Variants in CLEC9A observed in about 807,000 individuals in gnomAD.
CLEC9A encodes the protein C-type lectin domain family 9 member A.
In CLEC9A, 24 loss-of-function variants were observed where a neutral mutation model predicts 30.0. The ratio of observed to expected loss-of-function variants is 0.80; its 90% CI spans 0.58 to 1.13. The LOEUF (loss-of-function observed/expected upper bound fraction) is 1.13. Among genes scored for constraint, CLEC9A ranks in the 50% most tolerant of loss-of-function variants. The pLI is 0.00. For synonymous variants in CLEC9A, 111 were observed against 96.8 expected (o/e 1.15, Z -0.86); for missense variants, 251 against 280.9 (o/e 0.89, Z 0.76).
chr12:10,065,602 T>C lies in CLEC9A; in HGVS notation c.696T>C (p.Cys232=). The C allele has an allele frequency of 6.2e-7, 1 of 1,613,870 alleles. No individual in the cohort carries two copies. Among genetic ancestry groups the C allele is most frequent in the Non-Finnish European group, 8.5e-7 (1 of 1,179,820 alleles). The stretch of plus-strand genomic sequence containing the variant: ...GCAGCACGTGGAAGTATTTTATCTG[T>C]GAGAAGTATGCGTTGAGATCCTCTG... ...SNCSTWKYFI[C]EKYALRSSV is the part of the protein sequence containing the mutation. The change falls in exon 9 of 9, where the codon TGT becomes TGC. Residue 232 remains cysteine (C), a synonymous_variant. Transcript: ENST00000355819.
At chr12:10,056,698 T>C (rs1865946933) in intron 5 of CLEC9A, among the ~76,000 whole-genome samples, 1 of 152,152 alleles carries the variant, frequency 6.6e-6, no homozygotes, top group Admixed American at 6.5e-5. Context: ...TTTCAATGTT[T>C]ACTTTTCGGA....
chr12:10,052,803 T>G (rs756739810), intron 4 of CLEC9A, 25 bp downstream of exon 4: 1 of 1,608,442 alleles, frequency 6.2e-7, no homozygotes, highest in Non-Finnish European at 8.5e-7. Flanking sequence ...CTATTTTGTG[T>G]GAGACTTTAG....
At chr12:10,064,223 T>C (rs1297987146) in intron 7 of CLEC9A, among the ~76,000 whole-genome samples, 2 of 152,118 alleles carry the variant, frequency 1.3e-5, no homozygotes, top group Non-Finnish European at 2.9e-5. Context: ...CCAAGAACAT[T>C]TGAAGTAAAT....
chr12:10,064,267 G>T (rs945687122), intron 7 of CLEC9A, among the ~76,000 whole-genome samples: 2 of 152,126 alleles, frequency 1.3e-5, no homozygotes, highest in Admixed American at 1.3e-4. Context: ...GTTATTTTAC[G>T]TGCAAATTTG....
chr12:10,049,746 T>C (rs1345350231), intron 2 of CLEC9A, among the ~76,000 whole-genome samples: 8 of 152,348 alleles, frequency 5.3e-5, no homozygotes, highest in Non-Finnish European at 1.2e-4. Context: ...TGTAATTGGC[T>C]TGATCTTCTA....
At chr12:10,038,050 G>A (rs1425677971) in intron 1 of CLEC9A, among the ~76,000 whole-genome samples, 1 of 152,160 alleles carries the variant, frequency 6.6e-6, no homozygotes, top group East Asian at 1.9e-4. Flanking sequence ...GTAGGTGAAT[G>A]GTAAGTGACT....
intron 1 of CLEC9A, among the ~76,000 whole-genome samples, chr12:10,037,456 G>C (rs1865753078): frequency 6.6e-6 from 1 of 152,090 alleles, no homozygotes; most frequent in African/African-American, 2.4e-5. Flanking sequence ...GCAGCTCAGG[G>C]CCAAGGAGGG....
At position 10,065,393 on chromosome 12, in the gene CLEC9A, G is replaced by A; in HGVS notation, c.594-107G>A. 27 of 1,287,416 alleles carry A rather than the reference G, an allele frequency of 2.1e-5. 1 individual carries two copies. The South Asian group carries it at 4.0e-4, about 19-fold the overall frequency. The allele number at this position is 1,287,416 out of a possible 1,614,324, so 79.7% of individuals were successfully genotyped here. On this transcript the variant is annotated intron_variant, in intron 8 of 8. Coordinates refer to ENST00000355819, the MANE Select transcript of CLEC9A (RefSeq NM_207345.4). ...TGAAACCACCACAGGAAGTTGCTGTGTCAACACAAAACAAAACAAGCAGCT... is the reference window on the plus strand; with the variant it reads ...TGAAACCACCACAGGAAGTTGCTGTATCAACACAAAACAAAACAAGCAGCT...
intron 6 of CLEC9A, 72 bp from the exon 7 acceptor site, chr12:10,062,976 AGGCAAGG>A: frequency 7.7e-7 from 1 of 1,290,340 alleles, no homozygotes; most frequent in Non-Finnish European, 1.1e-6. Context: ...ACTGAGGGTG[AGGCAAGG>A]GGCTTTTTGG....
At chr12:10,038,137 G>A (rs1865759254) in intron 1 of CLEC9A, among the ~76,000 whole-genome samples, 1 of 152,090 alleles carries the variant, frequency 6.6e-6, no homozygotes, top group South Asian at 2.1e-4. Flanking sequence ...AAATGGGTTT[G>A]GGATTTTAAT....
intron 7 of CLEC9A, among the ~76,000 whole-genome samples, chr12:10,063,649 T>C (rs1866016409): frequency 6.6e-6 from 1 of 152,204 alleles, no homozygotes; most frequent in Non-Finnish European, 1.5e-5. Flanking sequence ...ATGAAATAAA[T>C]AGGTCTTGAA....
At chr12:10,055,833 G>A (rs927202030) in intron 5 of CLEC9A, among the ~76,000 whole-genome samples, 1 of 151,940 alleles carries the variant, frequency 6.6e-6, no homozygotes, top group African/African-American at 2.4e-5. Flanking sequence ...GAGGTGGGCG[G>A]ATTGCCTGAG....
chr12:10,047,646 T>C (rs552720971), intron 2 of CLEC9A, among the ~76,000 whole-genome samples: 1 of 152,348 alleles, frequency 6.6e-6, no homozygotes, highest in East Asian at 1.9e-4. Flanking sequence ...AAAGCAATTA[T>C]TGCAATAAAG....
intron 1 of CLEC9A, among the ~76,000 whole-genome samples, chr12:10,035,364 C>T (rs772709037): frequency 3.3e-5 from 5 of 152,142 alleles, no homozygotes; most frequent in Admixed American, 6.6e-5. Context: ...GCCAGGGATC[C>T]GCCTTTCTCT....
In CLEC9A at chr12:10,043,113, T is replaced by A. The variant is rs1174139632; in HGVS notation, c.-163+1493T>A. The stretch of plus-strand genomic sequence containing the variant: ...CATTAATATAGACATGTAATCCAAC[T>A]TTTTTTTTTGTCCAGGGTCTTATCA... On this transcript the variant is annotated intron_variant, in intron 2 of 8. Coordinates refer to ENST00000355819, the MANE Select transcript of CLEC9A (RefSeq NM_207345.4). 2 of 215,068 alleles carry A rather than the reference T, an allele frequency of 9.3e-6. 1 individual carries two copies. The highest frequency in any genetic ancestry group is 1.1e-4 in the South Asian group (2 of 18,064). The allele number at this position is 215,068 out of a possible 1,614,324, so 13.3% of individuals were successfully genotyped here.
At chr12:10,057,088 C>T (rs1051228820) in intron 5 of CLEC9A, among the ~76,000 whole-genome samples, 1 of 151,876 alleles carries the variant, frequency 6.6e-6, no homozygotes, top group Non-Finnish European at 1.5e-5. Context: ...AACCAGTTAC[C>T]ATAATAAAAC....
At chr12:10,035,218 G>A (rs1179166428) in intron 1 of CLEC9A, among the ~76,000 whole-genome samples, 4 of 152,320 alleles carry the variant, frequency 2.6e-5, no homozygotes, top group Admixed American at 1.3e-4. Context: ...GCCTGCTAGG[G>A]TCTTGGGGGT....
intron 1 of CLEC9A, chr12:10,041,088 C>A (rs1025988286): frequency 8.9e-5 from 14 of 156,426 alleles, no homozygotes; most frequent in African/African-American, 3.4e-4. Context: ...ACTAAAAATA[C>A]AAAAAAAATT....
At chr12:10,051,505 T>C (rs1347366167) in intron 2 of CLEC9A, among the ~76,000 whole-genome samples, 2 of 152,240 alleles carry the variant, frequency 1.3e-5, no homozygotes, top group Non-Finnish European at 2.9e-5. Flanking sequence ...TTTGGTTCCC[T>C]TAACACTTCC....
Sources: gnomAD v4.1 joint callset for allele counts (sites outside exome capture counted in the v4.1 genomes callset) on GRCh38, gnomAD v4.1.1 for gene constraint, MANE v1.5 for transcripts, NCBI Gene and HGNC (gene_info 2026-07-23, HGNC 2026-07-21) for gene names.